SDK1: variants seen among roughly 807,000 people sequenced by gnomAD.
SDK1 encodes sidekick cell adhesion molecule 1, also known as protein sidekick-1.
SDK1 carries 157 observed loss-of-function variants against 245.5 expected under a neutral mutation model. The ratio of observed to expected loss-of-function variants is 0.64; its 90% CI spans 0.56 to 0.73. The LOEUF (loss-of-function observed/expected upper bound fraction) is 0.73. SDK1 is among the 30% of genes least tolerant of loss of function. SDK1 has a pLI of 0.00. For synonymous variants in SDK1, 1,647 were observed against 1,278.5 expected (o/e 1.29, Z -6.15); for missense variants, 3,583 against 3,002.3 (o/e 1.19, Z -4.52).
chr7:3,408,529 A>G (rs1050062780), intron 1 of SDK1, among the ~76,000 whole-genome samples: 1 of 152,228 alleles, frequency 6.6e-6, no homozygotes, highest in Non-Finnish European at 1.5e-5. Flanking sequence ...CCATTTGACA[A>G]ATTAATGAAG....
At chr7:3,454,191 A>G (rs983305861) in intron 1 of SDK1, among the ~76,000 whole-genome samples, 16 of 152,344 alleles carry the variant, frequency 1.1e-4, no homozygotes, top group Non-Finnish European at 1.5e-4. Context: ...GGCACCATAC[A>G]GTAAGAATAC....
chr7:3,461,582 C>T (rs182392686), intron 1 of SDK1, among the ~76,000 whole-genome samples: 20 of 152,240 alleles, frequency 1.3e-4, no homozygotes, highest in African/African-American at 2.4e-4. Flanking sequence ...TAGAATCCTC[C>T]GGTCACTTAG....
At chr7:3,827,061 T>C (rs1478552507) in intron 5 of SDK1, among the ~76,000 whole-genome samples, 1 of 152,180 alleles carries the variant, frequency 6.6e-6, no homozygotes, top group African/African-American at 2.4e-5. Context: ...CCTTTTCCCC[T>C]GTGTGATTTA....
At position 4,265,105 on chromosome 7, in the gene SDK1, T is replaced by C; in HGVS notation, c.6382-19T>C. ...TGCGCCCTGCCCTGCACTCACACCT[T>C]CTCTCCCGCTCCCCGCAGGCCACGG... On this transcript the variant is annotated intron_variant, in intron 44 of 44. Coordinates refer to ENST00000404826, the MANE Select transcript of SDK1 (RefSeq NM_152744.4). 1 of 1,606,304 alleles carries C rather than the reference T, an allele frequency of 6.2e-7. No individual in the cohort carries two copies. The highest frequency in any genetic ancestry group is 8.5e-7 in the Non-Finnish European group (1 of 1,178,364).
At chr7:4,061,340 C>T (rs1035355558) in intron 19 of SDK1, among the ~76,000 whole-genome samples, 3 of 152,102 alleles carry the variant, frequency 2.0e-5, no homozygotes, top group African/African-American at 7.2e-5. Context: ...TGTAGTTCTC[C>T]TTGAAGAGGT....
intron 1 of SDK1, among the ~76,000 whole-genome samples, chr7:3,358,284 A>T (rs983675920): frequency 9.9e-5 from 15 of 152,200 alleles, no homozygotes; most frequent in African/African-American, 3.4e-4. Flanking sequence ...AGCCTCCCAA[A>T]GTGCTGGGAT....
Position 4,081,604 on chromosome 7 carries a change from G to A in SDK1, c.3324+2020G>A, listed in dbSNP as rs148013485. Among the ~76,000 whole-genome samples, 182 of 152,046 alleles carry A rather than the reference G, an allele frequency of 1.2e-3. 1 individual carries two copies. Among genetic ancestry groups the A allele is most frequent in the African/African-American group, 4.2e-3 (176 of 41,506 alleles). On this transcript the variant is annotated intron_variant, in intron 22 of 44. Transcript: ENST00000404826. ...CCAGCCAATTTTTTGTATTTTAGTA[G>A]AGACGGGGTTTCACCATGTTAGCCA... is the stretch of plus-strand genomic sequence containing the variant.
chr7:3,554,943 A>G (rs572366402), intron 1 of SDK1, among the ~76,000 whole-genome samples: 22 of 152,328 alleles, frequency 1.4e-4, no homozygotes, highest in African/African-American at 4.8e-4. Flanking sequence ...GACACGCAAA[A>G]AAATGGAAAG....
In SDK1 at chr7:4,011,178, A is replaced by C. The variant is rs544254053; in HGVS notation, c.2279+65A>C. 477 of 1,567,324 alleles carry C rather than the reference A, an allele frequency of 3.0e-4. 2 individuals are homozygous for C. In the African/African-American group the frequency reaches 5.9e-3, roughly 19 times the overall value. On this transcript the variant is annotated intron_variant, in intron 15 of 44. Coordinates refer to ENST00000404826, the MANE Select transcript of SDK1 (RefSeq NM_152744.4). ...GGGGGCCTGAATGCCAAAGAGAAGC[A>C]TCACATTATGTGGTGGAATTGATCA...
At chr7:3,343,691 C>T (rs1780415223) in intron 1 of SDK1, among the ~76,000 whole-genome samples, 1 of 150,872 alleles carries the variant, frequency 6.6e-6, no homozygotes, top group South Asian at 2.1e-4. Context: ...CTTACAACTG[C>T]TTGTGAATCT....
intron 1 of SDK1, among the ~76,000 whole-genome samples, chr7:3,314,413 G>T (rs1779615798): frequency 2.0e-5 from 3 of 152,162 alleles, no homozygotes; most frequent in Non-Finnish European, 4.4e-5. Context: ...CTTGGATCTT[G>T]GCCAGCAGAG....
Position 3,692,587 on chromosome 7 carries a change from A to G in SDK1, c.713+50482A>G, listed in dbSNP as rs903202247. On this transcript the variant is annotated intron_variant, in intron 4 of 44. Coordinates refer to ENST00000404826, the MANE Select transcript of SDK1 (RefSeq NM_152744.4). ...GTTATGTCCTTCAATTTTTGTGCTT[A>G]TTTAAACTGATGTGATAAAAATATA... Among the ~76,000 whole-genome samples, 23 of 152,092 alleles carry G rather than the reference A, an allele frequency of 1.5e-4. 1 individual carries two copies. The highest frequency in any genetic ancestry group is 9.7e-5 in the African/African-American group (4 of 41,438).
chr7:3,681,915 T>G (rs1436840969), intron 4 of SDK1, among the ~76,000 whole-genome samples: 1 of 152,210 alleles, frequency 6.6e-6, no homozygotes, highest in Non-Finnish European at 1.5e-5. Context: ...TTTGGAAAGA[T>G]TATACAGTCC....
At chr7:3,795,591 T>C (rs939587405) in intron 4 of SDK1, among the ~76,000 whole-genome samples, 1 of 152,142 alleles carries the variant, frequency 6.6e-6, no homozygotes, top group Non-Finnish European at 1.5e-5. Context: ...AATGCCTGTC[T>C]TCCAGCTGGC....
At chr7:4,031,695 C>T in intron 17 of SDK1, among the ~76,000 whole-genome samples, 1 of 149,240 alleles carries the variant, frequency 6.7e-6, no homozygotes, top group South Asian at 2.1e-4. Flanking sequence ...AGCTATATGA[C>T]AGAAGTGAAG....
chr7:3,669,665 C>G (rs1208927972), intron 4 of SDK1, among the ~76,000 whole-genome samples: 1 of 152,176 alleles, frequency 6.6e-6, no homozygotes, highest in Non-Finnish European at 1.5e-5. Flanking sequence ...ACCTTATTCT[C>G]CCTCCTTAGG....
chr7:3,514,536 G>A (rs1004397777), intron 1 of SDK1, among the ~76,000 whole-genome samples: 2 of 152,160 alleles, frequency 1.3e-5, no homozygotes, highest in Non-Finnish European at 2.9e-5. Flanking sequence ...GTCTTTGTCA[G>A]TCACTGCTCG....
intron 35 of SDK1, among the ~76,000 whole-genome samples, chr7:4,185,603 C>T (rs1378143451): frequency 6.6e-6 from 1 of 152,168 alleles, no homozygotes; most frequent in Non-Finnish European, 1.5e-5. Flanking sequence ...CCACGCGAGC[C>T]CTTGGATGGG....
chr7:4,154,643 T>C (rs1351603020), intron 30 of SDK1, among the ~76,000 whole-genome samples: 1 of 152,084 alleles, frequency 6.6e-6, no homozygotes, highest in Admixed American at 6.5e-5. Flanking sequence ...TCCATGAGGA[T>C]GCGTGATGGG....
Sources: allele counts gnomAD v4.1 joint callset (sites outside exome capture counted in the v4.1 genomes callset), GRCh38; gene constraint gnomAD v4.1.1; transcripts MANE v1.5; gene names NCBI Gene and HGNC (gene_info 2026-07-23, HGNC 2026-07-21).